Variants in MSI2 observed in about 807,000 individuals in gnomAD.
MSI2 encodes the protein RNA-binding protein Musashi homolog 2.
In MSI2, 17 loss-of-function variants were observed where a neutral mutation model predicts 45.6. That is an observed-to-expected ratio of 0.37 (90% CI 0.26 to 0.56). The LOEUF (loss-of-function observed/expected upper bound fraction) is 0.56, where lower values mean the gene tolerates loss of function less well. Ranked by LOEUF, MSI2 falls within the 20% of genes least tolerant of loss-of-function variation. MSI2 has a pLI of 0.77. For missense variants in MSI2, 293 were observed against 444.2 expected (o/e 0.66, Z 3.06); for synonymous variants, 156 against 158.2 (o/e 0.99, Z 0.11).
intron 11 of MSI2, among the ~76,000 whole-genome samples, chr17:57,662,654 T>C (rs1451582205): frequency 6.6e-6 from 1 of 152,214 alleles, no homozygotes; most frequent in Non-Finnish European, 1.5e-5. Flanking sequence ...TGAGCCAGGC[T>C]CTGCAACCTT....
At chr17:57,365,337 A>G (rs1346991986) in intron 5 of MSI2, among the ~76,000 whole-genome samples, 3 of 152,166 alleles carry the variant, frequency 2.0e-5, no homozygotes, top group Non-Finnish European at 4.4e-5. Context: ...TTAAATGGTT[A>G]TTTCATCCAT....
chr17:57,275,432 A>ATAG (rs1246857243), intron 5 of MSI2, among the ~76,000 whole-genome samples: 2 of 152,188 alleles, frequency 1.3e-5, no homozygotes, highest in Non-Finnish European at 2.9e-5. Flanking sequence ...GGGATATGGA[A>ATAG]TAGTAGGTTT....
At chr17:57,329,688 G>A (rs796706201) in intron 5 of MSI2, among the ~76,000 whole-genome samples, 8 of 152,240 alleles carry the variant, frequency 5.3e-5, no homozygotes, top group African/African-American at 1.7e-4. Flanking sequence ...CTCTTTCCCC[G>A]GTGTTTGAGT....
intron 7 of MSI2, among the ~76,000 whole-genome samples, chr17:57,576,560 A>G (rs1009700244): frequency 4.6e-5 from 7 of 152,034 alleles, no homozygotes; most frequent in Non-Finnish European, 1.0e-4. Flanking sequence ...GTTTGAGACC[A>G]CCCTGGCCAA....
At chr17:57,374,489 G>C (rs1369432949) in intron 5 of MSI2, among the ~76,000 whole-genome samples, 3 of 152,062 alleles carry the variant, frequency 2.0e-5, no homozygotes, top group African/African-American at 7.2e-5. Flanking sequence ...AATTTAAAAA[G>C]ATGCTTGACA....
intron 10 of MSI2, chr17:57,631,935 G>A: frequency 6.5e-7 from 1 of 1,531,272 alleles, no homozygotes; most frequent in Non-Finnish European, 8.8e-7. Context: ...CTCACTGAAA[G>A]TCTGTCTTAG....
intron 13 of MSI2, among the ~76,000 whole-genome samples, chr17:57,677,840 ACTC>A (rs1417593426): frequency 6.6e-6 from 1 of 152,016 alleles, no homozygotes; most frequent in Non-Finnish European, 1.5e-5. Context: ...CTTGCCACAC[ACTC>A]CTTTGGAAAT....
intron 6 of MSI2, among the ~76,000 whole-genome samples, chr17:57,471,570 A>G (rs974950787): frequency 6.6e-6 from 1 of 152,272 alleles, no homozygotes; most frequent in East Asian, 1.9e-4. Context: ...TAAATGCCTT[A>G]AAGAGTACAT....
At chr17:57,360,063 G>A (rs988803723) in intron 5 of MSI2, among the ~76,000 whole-genome samples, 15 of 152,226 alleles carry the variant, frequency 9.9e-5, no homozygotes, top group African/African-American at 3.6e-4. Context: ...GCCTTCACGT[G>A]TGGTGAGGGA....
chr17:57,691,670 C>T, the MSI2 span, among the ~76,000 whole-genome samples: 4 of 152,142 alleles, frequency 2.6e-5, no homozygotes, highest in African/African-American at 9.7e-5. Flanking sequence ...TATAGAAATA[C>T]AGTTGAACTT....
chr17:57,476,537 GT>G (rs1485259022), intron 6 of MSI2, among the ~76,000 whole-genome samples: 1 of 152,210 alleles, frequency 6.6e-6, no homozygotes, highest in Non-Finnish European at 1.5e-5. Flanking sequence ...CACAATAGAA[GT>G]CTGTTTCTTG....
chr17:57,313,523 C>T (rs1357064083), intron 5 of MSI2, among the ~76,000 whole-genome samples: 1 of 152,046 alleles, frequency 6.6e-6, no homozygotes, highest in East Asian at 1.9e-4. Flanking sequence ...TGGCAGTTTG[C>T]ATTTCAATAT....
chr17:57,624,979 C>T (rs997341471), intron 9 of MSI2, among the ~76,000 whole-genome samples: 1 of 152,164 alleles, frequency 6.6e-6, no homozygotes, highest in African/African-American at 2.4e-5. Flanking sequence ...AAGGTGCTGG[C>T]TGATTCTGTG....
At chr17:57,508,724 C>T (rs1430607907) in intron 6 of MSI2, among the ~76,000 whole-genome samples, 2 of 152,150 alleles carry the variant, frequency 1.3e-5, no homozygotes, top group South Asian at 2.1e-4. Flanking sequence ...CACAGATACG[C>T]GCGTGAGCCC....
chr17:57,399,914 C>T (rs2083958549), intron 5 of MSI2, among the ~76,000 whole-genome samples: 1 of 152,218 alleles, frequency 6.6e-6, no homozygotes, highest in Admixed American at 6.5e-5. Flanking sequence ...TGTCACTCAC[C>T]TCAGGCTCCT....
At position 57,675,758 on chromosome 17, in the gene MSI2, C is replaced by A. The variant is rs1294737763; in HGVS notation, c.945+632C>A. ...AGTTTCCAGGTTCCAAGTAAGTTCC[C>A]ATTTGCGTTCCTTAGCTGCAGCCTC... On this transcript the variant is annotated intron_variant, in intron 12 of 13. Coordinates refer to ENST00000284073, the MANE Select transcript of MSI2 (RefSeq NM_138962.4). 2.0e-5 allele frequency among the ~76,000 whole-genome samples: 3 copies of A among 152,192 alleles called. No individual in the cohort carries two copies. The East Asian group carries it at 5.8e-4, about 29-fold the overall frequency.
chr17:57,523,151 AATTCTCCTGCCTC>A (rs1160486030), intron 6 of MSI2, among the ~76,000 whole-genome samples: 13 of 151,628 alleles, frequency 8.6e-5, no homozygotes, highest in African/African-American at 3.1e-4. Context: ...AGGTTCAAGC[AATTCTCCTGCCTC>A]AGCCTCCCGC....
intron 7 of MSI2, among the ~76,000 whole-genome samples, chr17:57,585,317 G>A (rs2088317502): frequency 6.6e-6 from 1 of 152,228 alleles, no homozygotes; most frequent in African/African-American, 2.4e-5. Flanking sequence ...TGGAGATAGA[G>A]ATTGGGCTAG....
chr17:57,597,490 A>AAAAAAAAAAAC (rs1905367776), intron 8 of MSI2, among the ~76,000 whole-genome samples: 1 of 146,116 alleles, frequency 6.8e-6, no homozygotes, highest in Non-Finnish European at 1.5e-5. Flanking sequence ...AAAAAAAAAA[A>AAAAAAAAAAAC]TTAGCTGGGT....
Sources: gnomAD v4.1 joint callset for allele counts (sites outside exome capture counted in the v4.1 genomes callset) on GRCh38, gnomAD v4.1.1 for gene constraint, MANE v1.5 for transcripts, NCBI Gene and HGNC (gene_info 2026-07-23, HGNC 2026-07-21) for gene names.